The following CTNNA2 variants were observed in gnomAD, a reference collection of about 807,000 sequenced individuals.
The protein encoded by CTNNA2 is catenin alpha-2.
CTNNA2 carries 42 observed loss-of-function variants against 101.0 expected under a neutral mutation model. The observed-to-expected ratio is 0.42, with a 90% CI of 0.32 to 0.54. The LOEUF is 0.54. Ranked by LOEUF, CTNNA2 falls within the 20% of genes least tolerant of loss-of-function variation. The pLI, the probability that CTNNA2 is intolerant of heterozygous loss-of-function variation, is 0.14. For synonymous variants in CTNNA2, 450 were observed against 456.4 expected (o/e 0.99, Z 0.18); for missense variants, 871 against 1,223.1 (o/e 0.71, Z 4.29).
chr2:79,971,523 C>T (rs1218885439), intron 7 of CTNNA2, among the ~76,000 whole-genome samples: 1 of 152,122 alleles, frequency 6.6e-6, no homozygotes, highest in Non-Finnish European at 1.5e-5. Flanking sequence ...TGGATGACCT[C>T]ATTTACTGCT....
chr2:80,242,425 G>T (rs889110080), intron 7 of CTNNA2, among the ~76,000 whole-genome samples: 1 of 152,118 alleles, frequency 6.6e-6, no homozygotes, highest in Admixed American at 6.5e-5. Flanking sequence ...TATTGACCAG[G>T]CTGGCAGGCT....
intron 11 of CTNNA2, among the ~76,000 whole-genome samples, chr2:80,550,319 G>A (rs1692454886): frequency 6.6e-6 from 1 of 152,088 alleles, no homozygotes; most frequent in South Asian, 2.1e-4. Context: ...TTTGATGGTA[G>A]GGGGGGTTTC....
chr2:80,014,580 C>G (rs928632374), intron 7 of CTNNA2, among the ~76,000 whole-genome samples: 2 of 152,130 alleles, frequency 1.3e-5, no homozygotes, highest in Non-Finnish European at 2.9e-5. Context: ...AGACTCCATG[C>G]CAACAACCAA....
intron 7 of CTNNA2, among the ~76,000 whole-genome samples, chr2:80,241,233 A>G (rs1670915652): frequency 6.6e-6 from 1 of 151,312 alleles, no homozygotes; most frequent in Non-Finnish European, 1.5e-5. Flanking sequence ...TTTTTTTTTA[A>G]TCAGGAGTAC....
At chr2:79,353,379 A>C (rs879089960) in intron 3 of CTNNA2, among the ~76,000 whole-genome samples, 1 of 152,150 alleles carries the variant, frequency 6.6e-6, no homozygotes, top group African/African-American at 2.4e-5. Flanking sequence ...CAATTTTTTG[A>C]ATTTATTGAG....
At chr2:80,006,086 A>G (rs1693321387) in intron 7 of CTNNA2, among the ~76,000 whole-genome samples, 1 of 152,146 alleles carries the variant, frequency 6.6e-6, no homozygotes, top group South Asian at 2.1e-4. Context: ...TGAATAAAGT[A>G]GGTTTAGACT....
chr2:80,120,693 T>C (rs1701781041), intron 7 of CTNNA2, among the ~76,000 whole-genome samples: 1 of 152,166 alleles, frequency 6.6e-6, no homozygotes, highest in Non-Finnish European at 1.5e-5. Flanking sequence ...GGTGTGGGGA[T>C]CATATTGGCC....
intron 1 of CTNNA2, among the ~76,000 whole-genome samples, chr2:79,600,761 C>G (rs932881385): frequency 6.6e-6 from 1 of 152,068 alleles, no homozygotes; most frequent in East Asian, 1.9e-4. Context: ...GCTGTTAAGG[C>G]CAAGATGAAG....
intron 3 of CTNNA2, among the ~76,000 whole-genome samples, chr2:79,802,509 C>G (rs1292723290): frequency 6.6e-6 from 1 of 152,078 alleles, no homozygotes; most frequent in Non-Finnish European, 1.5e-5. Flanking sequence ...CTAAGTGACC[C>G]CAAGGTTACA....
At chr2:79,479,638 C>A (rs1470126073) in intron 4 of CTNNA2, among the ~76,000 whole-genome samples, 1 of 151,954 alleles carries the variant, frequency 6.6e-6, no homozygotes, top group Admixed American at 6.6e-5. Flanking sequence ...TAGAGGAATA[C>A]CTGGCTGGGT....
chr2:80,296,585 G>C (rs1028477471), intron 7 of CTNNA2, among the ~76,000 whole-genome samples: 2 of 152,162 alleles, frequency 1.3e-5, no homozygotes, highest in Non-Finnish European at 2.9e-5. Flanking sequence ...AGACTTAAAA[G>C]GAATAAGTCT....
At chr2:80,124,762 C>A (rs1267869608) in intron 7 of CTNNA2, among the ~76,000 whole-genome samples, 1 of 152,162 alleles carries the variant, frequency 6.6e-6, no homozygotes, top group Non-Finnish European at 1.5e-5. Context: ...GGTTACCCCT[C>A]CCCTTCCTCT....
chr2:79,717,065 A>G (rs747975198), intron 2 of CTNNA2, among the ~76,000 whole-genome samples: 4 of 152,232 alleles, frequency 2.6e-5, no homozygotes, highest in Non-Finnish European at 5.9e-5. Context: ...TATGAATACC[A>G]GAAGAAACAA....
chr2:79,416,979 T>G (rs968303305), intron 4 of CTNNA2, among the ~76,000 whole-genome samples: 1 of 152,128 alleles, frequency 6.6e-6, no homozygotes, highest in African/African-American at 2.4e-5. Flanking sequence ...ATTTCTTATA[T>G]GAGATTTTCA....
At chr2:79,978,591 C>T (rs1574457697) in intron 7 of CTNNA2, among the ~76,000 whole-genome samples, 1 of 152,098 alleles carries the variant, frequency 6.6e-6, no homozygotes, top group African/African-American at 2.4e-5. Flanking sequence ...CCATTGTTAC[C>T]AGTCTAGAAG....
intron 18 of CTNNA2, among the ~76,000 whole-genome samples, chr2:80,644,497 G>A (rs1298285921): frequency 6.6e-6 from 1 of 152,116 alleles, no homozygotes; most frequent in African/African-American, 2.4e-5. Context: ...AGGAAGTGAA[G>A]TTTTAGCCAA....
chr2:79,249,995 T>G (rs1674749214), intron 2 of CTNNA2, among the ~76,000 whole-genome samples: 1 of 152,218 alleles, frequency 6.6e-6, no homozygotes. Flanking sequence ...CATTTGCTAC[T>G]GCTGTGTTCC....
chr2:79,481,092 T>A (rs923656847), intron 4 of CTNNA2, among the ~76,000 whole-genome samples: 3 of 152,146 alleles, frequency 2.0e-5, no homozygotes, highest in Admixed American at 1.3e-4. Flanking sequence ...TAATTTTTCA[T>A]ATAAATAAAA....
At chr2:80,008,107 C>T (rs1309029962) in intron 7 of CTNNA2, among the ~76,000 whole-genome samples, 1 of 152,214 alleles carries the variant, frequency 6.6e-6, no homozygotes, top group Non-Finnish European at 1.5e-5. Context: ...AGTCCCTGCT[C>T]CTCTTCTTGC....
Sources: gnomAD v4.1 joint callset for allele counts (sites outside exome capture counted in the v4.1 genomes callset) on GRCh38, gnomAD v4.1.1 for gene constraint, MANE v1.5 for transcripts, NCBI Gene and HGNC (gene_info 2026-07-23, HGNC 2026-07-21) for gene names.